Variants in GLDC observed in about 807,000 individuals in gnomAD.
The protein encoded by GLDC is glycine decarboxylase, also known as glycine dehydrogenase (decarboxylating), mitochondrial.
A neutral mutation model predicts 121.3 loss-of-function variants in GLDC; 104 were observed. That is an observed-to-expected ratio of 0.86 (90% CI 0.73 to 1.01). GLDC has a LOEUF of 1.01. Among genes scored for constraint, GLDC ranks in the 50% least tolerant of loss-of-function variants. The pLI is 0.00. For missense variants in GLDC, 1,429 were observed against 1,306.6 expected, an observed-to-expected ratio of 1.09 and a Z score of -1.44; for synonymous variants, 546 against 480.6, an observed-to-expected ratio of 1.14 and a Z score of -1.78.
Position 6,595,056 on chromosome 9 carries a change from T to A in GLDC, c.1219A>T (p.Ile407Phe). 6.2e-7 allele frequency: 1 copy of A among 1,613,094 alleles called. No individual in the cohort carries two copies. The highest frequency in any genetic ancestry group is 8.5e-7 in the Non-Finnish European group (1 of 1,179,070). The change falls in exon 9 of 25, where the codon ATT becomes TTT. Residue 407 changes from isoleucine (I) to phenylalanine (F), a missense_variant. Coordinates refer to ENST00000321612, the MANE Select transcript of GLDC (RefSeq NM_000170.3). ...GTGGCATTATGTACCCTCCTAGCAA[T>A]ATGCTCCAGCCCATGGGAACCATGG... ...IYHGSHGLEH[I>F]ARRVHNATLI... is the part of the protein sequence containing the mutation.
chr9:6,551,583 C>G (rs1324027058), intron 20 of GLDC, among the ~76,000 whole-genome samples: 1 of 152,086 alleles, frequency 6.6e-6, no homozygotes, highest in African/African-American at 2.4e-5. Flanking sequence ...AATAAAACAA[C>G]AGTAGTACTT....
chr9:6,588,827 T>C lies in GLDC; in HGVS notation c.1581-125A>G, dbSNP rs962535839. 7 of 727,024 alleles carry C rather than the reference T, an allele frequency of 9.6e-6. 1 individual carries two copies. The highest frequency in any genetic ancestry group is 7.3e-5 in the South Asian group (5 of 68,092). The allele number at this position is 727,024 out of a possible 1,614,324, so 45.0% of individuals were successfully genotyped here. On this transcript the variant is annotated intron_variant, in intron 12 of 24. Coordinates refer to ENST00000321612, the MANE Select transcript of GLDC (RefSeq NM_000170.3). ...GCAGATCAATTTTGGCCACGGACAATATGTCAACTACACTCAGAGAGAAGG... is the reference window on the plus strand; with the variant it reads ...GCAGATCAATTTTGGCCACGGACAACATGTCAACTACACTCAGAGAGAAGG...
chr9:6,592,709 T>A (rs1051960397), intron 10 of GLDC, 142 bp downstream of exon 10: 2 of 744,180 alleles, frequency 2.7e-6, no homozygotes, highest in Non-Finnish European at 4.5e-6. Context: ...TGTTGCATAA[T>A]GTAAATAACA....
At chr9:6,643,977 T>C (rs1448045298) in intron 2 of GLDC, among the ~76,000 whole-genome samples, 1 of 118,212 alleles carries the variant, frequency 8.5e-6, no homozygotes, top group Non-Finnish European at 1.6e-5. Flanking sequence ...GAGGTTGCAG[T>C]GAGCCGAGAT....
chr9:6,596,128 G>A (rs750323371), intron 8 of GLDC, among the ~76,000 whole-genome samples: 1 of 152,164 alleles, frequency 6.6e-6, no homozygotes, highest in Non-Finnish European at 1.5e-5. Context: ...GCGAGGCTGA[G>A]GTAAAGAATC....
In GLDC at chr9:6,588,693, A is replaced by G. The variant is rs2129837600; in HGVS notation, c.1590T>C (p.Ser530=). ...TCATGTACCGGACAATGTTTGTTTCAGAGTGGTAGCTGTGAACACAAAACA... is the reference window on the plus strand; with the variant it reads ...TCATGTACCGGACAATGTTTGTTTCGGAGTGGTAGCTGTGAACACAAAACA... ...LTHQVFNSYH[S]ETNIVRYMKK... is the part of the protein sequence containing the mutation. The change falls in exon 13 of 25, where the codon TCT becomes TCC. Residue 530 remains serine (S), a synonymous_variant. Transcript: ENST00000321612. 2 of 1,612,086 alleles carry G rather than the reference A, an allele frequency of 1.2e-6. No individual in the cohort carries two copies. The highest frequency in any genetic ancestry group is 1.1e-5 in the South Asian group (1 of 91,024).
intron 3 of GLDC, among the ~76,000 whole-genome samples, chr9:6,616,144 GT>G (rs111423845): frequency 3.9e-5 from 6 of 152,252 alleles, no homozygotes; most frequent in African/African-American, 1.4e-4. Flanking sequence ...AAAAGTTGGA[GT>G]TTTTTTCGTT....
At chr9:6,550,712 C>T (rs913753238) in intron 21 of GLDC, 91 bp downstream of exon 21, 2 of 801,004 alleles carry the variant, frequency 2.5e-6, no homozygotes, top group African/African-American at 3.4e-5. Context: ...AAATAGAAGT[C>T]TCTTGCCCAT....
chr9:6,645,620 T>C lies in GLDC; in HGVS notation c.-121A>G. On this transcript the variant is annotated 5_prime_UTR_variant, in exon 1 of 25. Transcript: ENST00000321612. ...GCCTGGAGCCCCTTTCGCTGGACAG[T>C]CGGCCGGACAGATGGATGGACGCTC... 1.5e-6 allele frequency: 1 copy of C among 656,594 alleles called. No individual in the cohort carries two copies. Among genetic ancestry groups the C allele is most frequent in the Non-Finnish European group, 2.1e-6 (1 of 471,606 alleles). 40.7% of individuals were successfully genotyped at this position (656,594 alleles called of 1,614,324 possible). A position where few individuals can be genotyped will look rare whatever the true frequency, so the allele number is the denominator to read the frequency against.
At chr9:6,604,880 G>T in intron 6 of GLDC, 96 bp from the exon 7 acceptor site, 1 of 1,062,810 alleles carries the variant, frequency 9.4e-7, no homozygotes, top group Non-Finnish European at 1.5e-6. Flanking sequence ...AAGACGGGCA[G>T]AGTGTGTTCA....
chr9:6,616,073 A>G (rs1367378204), intron 3 of GLDC, among the ~76,000 whole-genome samples: 2 of 152,214 alleles, frequency 1.3e-5, no homozygotes, highest in South Asian at 2.1e-4. Flanking sequence ...AGCTGGGACC[A>G]CAGGCACAAG....
intron 14 of GLDC, 94 bp from the exon 15 acceptor site, chr9:6,587,377 T>C: frequency 2.1e-6 from 2 of 963,650 alleles, no homozygotes; most frequent in Non-Finnish European, 1.6e-6. Context: ...AGAAAAGCTA[T>C]GTGCCAGGCA....
At chr9:6,615,423 T>TA (rs34380343) in intron 3 of GLDC, among the ~76,000 whole-genome samples, 26,907 of 141,326 alleles carry the variant, frequency 0.19, 2,491 homozygotes, top group African/African-American at 0.25. Context: ...ACTAAAAATT[T>TA]AAAAAAAAAA....
chr9:6,614,554 T>A (rs1214562141), intron 3 of GLDC, among the ~76,000 whole-genome samples: 1 of 82,296 alleles, frequency 1.2e-5, no homozygotes, highest in East Asian at 6.6e-4. Flanking sequence ...GGTTTCAATC[T>A]TTTTTTTTTT....
intron 2 of GLDC, among the ~76,000 whole-genome samples, chr9:6,626,370 G>T (rs566291733): frequency 1.3e-5 from 2 of 152,162 alleles, no homozygotes; most frequent in Non-Finnish European, 2.9e-5. Flanking sequence ...TACAGAAGGA[G>T]CAGGATTGAA....
At chr9:6,615,438 A>AT (rs1818949530) in intron 3 of GLDC, among the ~76,000 whole-genome samples, 1 of 151,304 alleles carries the variant, frequency 6.6e-6, no homozygotes, top group Admixed American at 6.6e-5. Flanking sequence ...AAAAAAAAAA[A>AT]TTAGCCTGGC....
rs77756489 is a variant in GLDC, at chr9:6,592,517, T to G, written c.1402-294A>C. ...TTCTTCCCTTAACCCACTTATCAGA[T>G]ATTGAGGAGATTTTCTTCCCTTAAC... On this transcript the variant is annotated intron_variant, in intron 10 of 24. Transcript: ENST00000321612. Among the ~76,000 whole-genome samples the G allele has an allele frequency of 0.022, 3,410 of 152,256 alleles. 115 individuals carry two copies. Among genetic ancestry groups the G allele is most frequent in the African/African-American group, 0.078 (3,239 of 41,532 alleles).
chr9:6,550,751 A>G, intron 21 of GLDC, 52 bp downstream of exon 21: 1 of 1,130,164 alleles, frequency 8.8e-7, no homozygotes, highest in Non-Finnish European at 1.4e-6. Context: ...GGTCAAACTT[A>G]GTTTGGCCAA....
At chr9:6,622,159 G>GATACAC (rs1819111829) in intron 2 of GLDC, among the ~76,000 whole-genome samples, 4 of 145,328 alleles carry the variant, frequency 2.8e-5, no homozygotes. Context: ...CACACACACA[G>GATACAC]ACACACACAC....
Sources: gnomAD v4.1 joint callset for allele counts (sites outside exome capture counted in the v4.1 genomes callset) on GRCh38, gnomAD v4.1.1 for gene constraint, MANE v1.5 for transcripts, NCBI Gene and HGNC (gene_info 2026-07-23, HGNC 2026-07-21) for gene names.